The following MFHAS1 variants were observed in gnomAD, a reference collection of about 807,000 sequenced individuals.
MFHAS1 encodes multifunctional ROCO family signaling regulator 1, also known as malignant fibrous histiocytoma-amplified sequence 1.
Under a neutral mutation model 70.4 loss-of-function variants are expected in MFHAS1, and 50 were observed. The ratio of observed to expected loss-of-function variants is 0.71; its 90% CI spans 0.57 to 0.90. The LOEUF (loss-of-function observed/expected upper bound fraction) is 0.90, where lower values mean the gene tolerates loss of function less well. Ranked by LOEUF, MFHAS1 falls within the 40% of genes least tolerant of loss-of-function variation. The probability of loss-of-function intolerance (pLI) is 0.00; values close to 1 mark genes in which losing one functional copy is unlikely to be tolerated. For missense variants in MFHAS1, 1,795 were observed against 1,347.6 expected (o/e 1.33, Z -5.20); for synonymous variants, 952 against 620.0 (o/e 1.54, Z -7.96).
chr8:8,885,373 C>T (rs570405766), intron 1 of MFHAS1, among the ~76,000 whole-genome samples: 3 of 152,304 alleles, frequency 2.0e-5, no homozygotes, highest in Non-Finnish European at 2.9e-5. Context: ...GCAAGTTTAA[C>T]TCACTAAGAC....
intron 1 of MFHAS1, among the ~76,000 whole-genome samples, chr8:8,867,722 T>C (rs1808916638): frequency 6.6e-6 from 1 of 152,040 alleles, no homozygotes; most frequent in African/African-American, 2.4e-5. Flanking sequence ...CACACCCGGC[T>C]AATTTTTTGT....
intron 1 of MFHAS1, among the ~76,000 whole-genome samples, chr8:8,832,086 A>ACG (rs1807417757): frequency 6.6e-6 from 1 of 151,600 alleles, no homozygotes. Context: ...ACACACACAC[A>ACG]CACGCACCAA....
chr8:8,807,471 G>A (rs28404896), intron 1 of MFHAS1, among the ~76,000 whole-genome samples: 24,221 of 151,990 alleles, frequency 0.16, 3,273 homozygotes, highest in African/African-American at 0.37. Flanking sequence ...ATGAAAAAGC[G>A]TATAGCTTCT....
chr8:8,875,625 C>G (rs1024820244), intron 1 of MFHAS1, among the ~76,000 whole-genome samples: 1 of 152,136 alleles, frequency 6.6e-6, no homozygotes, highest in African/African-American at 2.4e-5. Context: ...CAGTCTCGCT[C>G]TGTCACCCAG....
chr8:8,840,025 T>C (rs553930234), intron 1 of MFHAS1, among the ~76,000 whole-genome samples: 8 of 152,344 alleles, frequency 5.3e-5, no homozygotes, highest in South Asian at 2.1e-4. Context: ...TATACGTATA[T>C]ATACACATAT....
chr8:8,849,574 C>T (rs765484227), intron 1 of MFHAS1, among the ~76,000 whole-genome samples: 1 of 152,180 alleles, frequency 6.6e-6, no homozygotes, highest in Non-Finnish European at 1.5e-5. Context: ...ACCTTCACAG[C>T]TGCGGTCCTG....
chr8:8,872,953 C>T (rs991947624), intron 1 of MFHAS1, among the ~76,000 whole-genome samples: 8 of 152,072 alleles, frequency 5.3e-5, no homozygotes, highest in South Asian at 2.1e-4. Flanking sequence ...AAGAGTGAGA[C>T]GGAGACAACC....
At chr8:8,828,267 G>C (rs1807238003) in intron 1 of MFHAS1, among the ~76,000 whole-genome samples, 1 of 152,220 alleles carries the variant, frequency 6.6e-6, no homozygotes, top group Non-Finnish European at 1.5e-5. Context: ...TGGAGCAACA[G>C]GAACTGTTTA....
At chr8:8,807,112 G>A (rs4841042) in intron 1 of MFHAS1, among the ~76,000 whole-genome samples, 70,866 of 151,866 alleles carry the variant, frequency 0.47, 17,363 homozygotes, top group East Asian at 0.78. Flanking sequence ...GGCCCCTGAA[G>A]TAAGCCTCAG....
At chr8:8,802,636 G>C (rs1003061427) in intron 1 of MFHAS1, among the ~76,000 whole-genome samples, 12 of 152,210 alleles carry the variant, frequency 7.9e-5, no homozygotes, top group Non-Finnish European at 1.5e-4. Flanking sequence ...GTAGGGTATG[G>C]AGCAGCTCCT....
intron 1 of MFHAS1, among the ~76,000 whole-genome samples, chr8:8,848,962 T>C (rs1400154331): frequency 6.6e-6 from 1 of 152,140 alleles, no homozygotes; most frequent in Non-Finnish European, 1.5e-5. Flanking sequence ...TACTTACTTT[T>C]TTCTTAAATT....
intron 1 of MFHAS1, among the ~76,000 whole-genome samples, chr8:8,799,062 A>T (rs948856337): frequency 6.6e-6 from 1 of 152,026 alleles, no homozygotes; most frequent in Non-Finnish European, 1.5e-5. Context: ...ACAACAAAAA[A>T]AAAAAAAGAA....
intron 1 of MFHAS1, among the ~76,000 whole-genome samples, chr8:8,823,855 A>C (rs4841049): frequency 0.79 from 104,274 of 132,226 alleles, 41,281 homozygotes; most frequent in East Asian, 0.91. Flanking sequence ...GCCTGTCTCC[A>C]TGCGCTTCAA....
chr8:8,813,266 T>G (rs1331315914), intron 1 of MFHAS1, among the ~76,000 whole-genome samples: 1 of 152,230 alleles, frequency 6.6e-6, no homozygotes, highest in East Asian at 1.9e-4. Context: ...TTATGTACAG[T>G]ATATAATAAC....
chr8:8,877,928 G>A (rs757263566), intron 1 of MFHAS1, among the ~76,000 whole-genome samples: 40 of 152,160 alleles, frequency 2.6e-4, no homozygotes, highest in Non-Finnish European at 2.9e-4. Flanking sequence ...GCCCACACAT[G>A]CCCACCCCTA....
chr8:8,839,070 C>T (rs1384513963), intron 1 of MFHAS1, among the ~76,000 whole-genome samples: 1 of 151,878 alleles, frequency 6.6e-6, no homozygotes, highest in Non-Finnish European at 1.5e-5. Flanking sequence ...CAAACTAGAC[C>T]ACTAAAATTT....
At chr8:8,815,920 G>A (rs951739582) in intron 1 of MFHAS1, among the ~76,000 whole-genome samples, 2 of 152,148 alleles carry the variant, frequency 1.3e-5, no homozygotes, top group Non-Finnish European at 2.9e-5. Context: ...CCGTTAAAAG[G>A]TCGGCACATA....
intron 1 of MFHAS1, among the ~76,000 whole-genome samples, chr8:8,840,235 T>A (rs1303856908): frequency 6.6e-6 from 1 of 152,076 alleles, no homozygotes; most frequent in Non-Finnish European, 1.5e-5. Context: ...AGCGGGCAGA[T>A]CACTTGAGGT....
intron 1 of MFHAS1, chr8:8,860,161 C>G (rs1808607408): frequency 6.6e-6 from 1 of 152,200 alleles, no homozygotes; most frequent in Non-Finnish European, 1.5e-5. Flanking sequence ...TCAGAGGGAG[C>G]ACACGCAGGC....
Sources: allele counts gnomAD v4.1 joint callset (sites outside exome capture counted in the v4.1 genomes callset), GRCh38; gene constraint gnomAD v4.1.1; transcripts MANE v1.5; gene names NCBI Gene and HGNC (gene_info 2026-07-23, HGNC 2026-07-21).